The following CCDC88A variants were observed in gnomAD, a reference collection of about 807,000 sequenced individuals.
The protein encoded by CCDC88A is girdin.
A neutral mutation model predicts 234.3 loss-of-function variants in CCDC88A; 54 were observed. The ratio of observed to expected loss-of-function variants is 0.23; its 90% CI spans 0.19 to 0.29. The LOEUF is 0.29. Among genes scored for constraint, CCDC88A ranks in the 10% least tolerant of loss-of-function variants. The pLI is 1.00. For synonymous variants in CCDC88A, 753 were observed against 737.8 expected (o/e 1.02, Z -0.33); for missense variants, 1,832 against 2,123.4 (o/e 0.86, Z 2.70).
chr2:55,308,855 T>G lies in CCDC88A; in HGVS notation c.4341A>C (p.Ser1447=). The change falls in exon 25 of 33, where the codon TCA becomes TCC. Residue 1447 remains serine (S), a synonymous_variant. Coordinates refer to ENST00000436346, the MANE Select transcript of CCDC88A (RefSeq NM_001365480.1). The stretch of plus-strand genomic sequence containing the variant: ...AGGTCTGGCCATCTTCTAAAGAGTT[T>G]GAACCTACTGAAGAACTATCTTGAC... The part of the protein sequence containing the change: ...QDSQDSSSVG[S]NSLEDGQTLG... 10 of 1,614,164 alleles carry G rather than the reference T, an allele frequency of 6.2e-6. No individual in the cohort carries two copies. The highest frequency in any genetic ancestry group is 8.5e-6 in the Non-Finnish European group (10 of 1,180,010).
At chr2:55,361,701 C>T (rs1179806400) in intron 7 of CCDC88A, among the ~76,000 whole-genome samples, 4 of 152,192 alleles carry the variant, frequency 2.6e-5, no homozygotes, top group Admixed American at 6.5e-5. Flanking sequence ...CACCACCACA[C>T]GCACTAAAGT....
intron 5 of CCDC88A, chr2:55,364,239 A>T (rs1392728966): frequency 2.0e-5 from 8 of 391,572 alleles, no homozygotes; most frequent in Non-Finnish European, 3.6e-5. Flanking sequence ...GAAAATCCAT[A>T]CTATTTTTAT....
At chr2:55,373,233 C>T (rs1673099283) in intron 4 of CCDC88A, among the ~76,000 whole-genome samples, 1 of 152,170 alleles carries the variant, frequency 6.6e-6, no homozygotes, top group South Asian at 2.1e-4. Flanking sequence ...TTTCCTTCTA[C>T]TCTCCATGAA....
chr2:55,398,732 G>C (rs552006788), intron 2 of CCDC88A, among the ~76,000 whole-genome samples: 1 of 152,236 alleles, frequency 6.6e-6, no homozygotes, highest in African/African-American at 2.4e-5. Context: ...GGGCAACACA[G>C]TGAAACCTCA....
At chr2:55,347,167 T>C (rs1574215494) in intron 9 of CCDC88A, among the ~76,000 whole-genome samples, 2 of 152,332 alleles carry the variant, frequency 1.3e-5, no homozygotes, top group Admixed American at 1.3e-4. Context: ...ATTTTTTTAA[T>C]GCTTCCAAGT....
chr2:55,372,084 C>T (rs1160650270), intron 5 of CCDC88A, among the ~76,000 whole-genome samples: 1 of 151,978 alleles, frequency 6.6e-6, no homozygotes, highest in Non-Finnish European at 1.5e-5. Flanking sequence ...CTTCCCTTCT[C>T]TTCTCCCTTC....
chr2:55,328,519 G>A lies in CCDC88A; in HGVS notation c.2856-84C>T. ...ATAATTTATGACCACAAATATTCATGCCATAAATGGGTCTTATAAAAGCAT... is the reference window on the plus strand; with the variant it reads ...ATAATTTATGACCACAAATATTCATACCATAAATGGGTCTTATAAAAGCAT... On this transcript the variant is annotated intron_variant, in intron 16 of 32. Transcript: ENST00000436346. The surrounding 1 kb of genome is among the most constrained non-coding windows in gnomAD (Gnocchi z 4.3). 1 of 949,346 alleles carries A rather than the reference G, an allele frequency of 1.1e-6. No homozygotes were observed. The highest frequency in any genetic ancestry group is 1.5e-6 in the Non-Finnish European group (1 of 670,200). The allele number at this position is 949,346 out of a possible 1,614,324, so 58.8% of individuals were successfully genotyped here. A position where few individuals can be genotyped will look rare whatever the true frequency, so the allele number is the denominator to read the frequency against.
At chr2:55,394,556 A>G (rs1677193795) in intron 2 of CCDC88A, 1 of 150,796 alleles carries the variant, frequency 6.6e-6, no homozygotes, top group Non-Finnish European at 1.5e-5. Context: ...CAACAGTGTA[A>G]AAGTGTTCCT....
chr2:55,349,826 T>C (rs548561711), intron 8 of CCDC88A: 2 of 411,224 alleles, frequency 4.9e-6, no homozygotes, highest in East Asian at 8.6e-5. Flanking sequence ...AATGTTCTCA[T>C]AGTATGTAAT....
intron 7 of CCDC88A, among the ~76,000 whole-genome samples, chr2:55,359,624 A>T (rs1341378557): frequency 6.6e-6 from 1 of 150,452 alleles, no homozygotes; most frequent in African/African-American, 2.4e-5. Flanking sequence ...TATATACTAT[A>T]TGCTATAGGA....
chr2:55,336,375 C>A (rs1685462049), intron 14 of CCDC88A, among the ~76,000 whole-genome samples: 1 of 152,050 alleles, frequency 6.6e-6, no homozygotes, highest in South Asian at 2.1e-4. Flanking sequence ...TCCTGGCCAA[C>A]TCCACTCAGG....
chr2:55,389,299 T>C (rs1269611968), intron 2 of CCDC88A, among the ~76,000 whole-genome samples: 1 of 152,226 alleles, frequency 6.6e-6, no homozygotes, highest in East Asian at 1.9e-4. Context: ...GAACAGGCAA[T>C]GTCCCAGAGA....
intron 6 of CCDC88A, among the ~76,000 whole-genome samples, chr2:55,363,023 A>G (rs932460913): frequency 6.6e-6 from 1 of 152,000 alleles, no homozygotes; most frequent in Non-Finnish European, 1.5e-5. Flanking sequence ...CAAACAGCAA[A>G]AATAATTACA....
In CCDC88A at chr2:55,414,870, C is replaced by A. The variant is rs538369332; in HGVS notation, c.164+3946G>T. ...CACGAGGTCAGGAGATCGAGACCAT[C>A]CTGGCTAACACGGTGAAACCCCGTC... On this transcript the variant is annotated intron_variant, in intron 2 of 32. Coordinates refer to ENST00000436346, the MANE Select transcript of CCDC88A (RefSeq NM_001365480.1). Among the ~76,000 whole-genome samples, 537 of 151,862 alleles carry A rather than the reference C, an allele frequency of 3.5e-3. 1 individual carries two copies. Among genetic ancestry groups the A allele is most frequent in the Non-Finnish European group, 4.5e-3 (304 of 67,958 alleles).
chr2:55,355,106 A>C (rs1670392154), intron 8 of CCDC88A, among the ~76,000 whole-genome samples: 1 of 151,856 alleles, frequency 6.6e-6, no homozygotes, highest in African/African-American at 2.4e-5. Flanking sequence ...CTAAGTACGT[A>C]ACTCAGGCAT....
At chr2:55,392,522 C>G (rs1392878728) in intron 2 of CCDC88A, among the ~76,000 whole-genome samples, 2 of 152,172 alleles carry the variant, frequency 1.3e-5, no homozygotes, top group African/African-American at 4.8e-5. Context: ...ATAATCTTCT[C>G]CAGGAAGGCC....
chr2:55,305,872 A>G (rs556679158), intron 25 of CCDC88A, among the ~76,000 whole-genome samples: 2 of 151,228 alleles, frequency 1.3e-5, no homozygotes, highest in East Asian at 1.9e-4. Context: ...TAAAAAAAAA[A>G]CTTCCTTTAA....
chr2:55,330,286 A>T (rs1260990537), intron 16 of CCDC88A: 1 of 151,908 alleles, frequency 6.6e-6, no homozygotes, highest in African/African-American at 2.4e-5. Flanking sequence ...TCCTGGGGTC[A>T]GGAGTTCGAG....
chr2:55,308,843 T>G lies in CCDC88A; in HGVS notation c.4353A>C (p.Glu1451Asp). The change falls in exon 25 of 33, where the codon GAA becomes GAC. Residue 1451 changes from glutamate to aspartate, a missense_variant. Glu to Asp is a conservative substitution (Grantham distance 45). This residue lies in a region of CCDC88A where 1,282 missense variants were observed against 1,543.6 expected (regional missense o/e 0.83). Transcript: ENST00000436346. ...TCTTGGTCCCCAAGGTCTGGCCATC[T>G]TCTAAAGAGTTTGAACCTACTGAAG... ...DSSSVGSNSL[E>D]DGQTLGTKKS... is the part of the protein sequence containing the mutation. 1 of 1,614,164 alleles carries G rather than the reference T, an allele frequency of 6.2e-7. No individual in the cohort carries two copies. Among genetic ancestry groups the G allele is most frequent in the African/African-American group, 1.3e-5 (1 of 75,060 alleles).
Sources: allele counts gnomAD v4.1 joint callset (sites outside exome capture counted in the v4.1 genomes callset), GRCh38; gene constraint gnomAD v4.1.1; regional missense constraint gnomAD v4.1.1; non-coding constraint Gnocchi (gnomAD v3.1); transcripts MANE v1.5; gene names NCBI Gene and HGNC (gene_info 2026-07-23, HGNC 2026-07-21).